The following PPFIA2 variants were observed in gnomAD, a reference collection of about 807,000 sequenced individuals.
The protein encoded by PPFIA2 is liprin-alpha-2.
Under a neutral mutation model 175.5 loss-of-function variants are expected in PPFIA2, and 46 were observed. That is an observed-to-expected ratio of 0.26 (90% CI 0.21 to 0.34). The LOEUF is 0.34. Ranked by LOEUF, PPFIA2 falls within the 10% of genes least tolerant of loss-of-function variation. The probability of loss-of-function intolerance (pLI) is 1.00; values close to 1 mark genes in which losing one functional copy is unlikely to be tolerated. For missense variants in PPFIA2, 1,179 were observed against 1,506.1 expected (o/e 0.78, Z 3.60); for synonymous variants, 568 against 511.4 (o/e 1.11, Z -1.49).
chr12:81,645,402 A>T (rs2065923986), intron 4 of PPFIA2, among the ~76,000 whole-genome samples: 1 of 152,004 alleles, frequency 6.6e-6, no homozygotes, highest in African/African-American at 2.4e-5. Context: ...TGCTTACACC[A>T]CCCCTCAGCA....
intron 4 of PPFIA2, among the ~76,000 whole-genome samples, chr12:81,528,850 T>G (rs1214955522): frequency 6.6e-6 from 1 of 151,994 alleles, no homozygotes; most frequent in East Asian, 1.9e-4. Context: ...GAAAATTATA[T>G]TTTATGTATA....
At chr12:81,326,412 C>G (rs1343503946) in intron 21 of PPFIA2, among the ~76,000 whole-genome samples, 1 of 152,138 alleles carries the variant, frequency 6.6e-6, no homozygotes, top group African/African-American at 2.4e-5. Context: ...GCTCTACTGG[C>G]TGACTCCTAT....
At chr12:81,662,878 G>C in intron 4 of PPFIA2, among the ~76,000 whole-genome samples, 1 of 152,080 alleles carries the variant, frequency 6.6e-6, no homozygotes, top group East Asian at 1.9e-4. Context: ...TTCATCCCTG[G>C]GATGCAAGGC....
At chr12:81,540,847 AT>A (rs1351632145) in intron 4 of PPFIA2, among the ~76,000 whole-genome samples, 1 of 152,060 alleles carries the variant, frequency 6.6e-6, no homozygotes, top group Non-Finnish European at 1.5e-5. Flanking sequence ...TATCATTAAG[AT>A]TTAAGAAGTA....
At chr12:81,682,191 T>C (rs927182733) in intron 3 of PPFIA2, among the ~76,000 whole-genome samples, 1 of 151,992 alleles carries the variant, frequency 6.6e-6, no homozygotes, top group Non-Finnish European at 1.5e-5. Flanking sequence ...ATTGATCCAA[T>C]ATGACTGGTT....
chr12:81,491,213 G>T (rs4842394), intron 4 of PPFIA2, among the ~76,000 whole-genome samples: 32,348 of 89,966 alleles, frequency 0.36, 3,831 homozygotes, highest in East Asian at 0.52. Context: ...TACTTTTTTT[G>T]TTTTTTTGCT....
chr12:81,739,697 A>G (rs2082103915), intron 3 of PPFIA2, among the ~76,000 whole-genome samples: 1 of 152,092 alleles, frequency 6.6e-6, no homozygotes, highest in Non-Finnish European at 1.5e-5. Flanking sequence ...ATTGAAGCAG[A>G]TTACACTAAA....
chr12:81,311,909 T>C (rs1449726165), intron 22 of PPFIA2: 2 of 523,948 alleles, frequency 3.8e-6, no homozygotes, highest in Non-Finnish European at 6.8e-6. Flanking sequence ...TAGAATGTCT[T>C]TTGACATGTG....
At chr12:81,483,179 T>C (rs1273027485) in intron 4 of PPFIA2, among the ~76,000 whole-genome samples, 3 of 152,140 alleles carry the variant, frequency 2.0e-5, no homozygotes, top group Non-Finnish European at 4.4e-5. Flanking sequence ...AGAGTTACCA[T>C]ATAACCTAGC....
intron 3 of PPFIA2, among the ~76,000 whole-genome samples, chr12:81,691,234 C>G (rs1379122316): frequency 1.3e-5 from 2 of 152,136 alleles, no homozygotes; most frequent in Non-Finnish European, 2.9e-5. Flanking sequence ...GTGACCTCTC[C>G]ATCCACTGAA....
intron 4 of PPFIA2, among the ~76,000 whole-genome samples, chr12:81,523,132 G>A (rs1255897663): frequency 6.6e-6 from 1 of 152,172 alleles, no homozygotes; most frequent in Non-Finnish European, 1.5e-5. Flanking sequence ...GGCTGCTCCT[G>A]ACAGAAAGGG....
chr12:81,575,776 G>A (rs1030655297), intron 4 of PPFIA2, among the ~76,000 whole-genome samples: 5 of 151,636 alleles, frequency 3.3e-5, no homozygotes, highest in Admixed American at 1.3e-4. Context: ...TAAGTATCAC[G>A]AAATAAGAGT....
intron 6 of PPFIA2, among the ~76,000 whole-genome samples, chr12:81,445,221 G>GGGA (rs2051021322): frequency 1.5e-5 from 1 of 65,272 alleles, no homozygotes; most frequent in Non-Finnish European, 2.8e-5. Context: ...GGGGGGGAGG[G>GGGA]GGGAGAGAGA....
At chr12:81,431,960 C>G (rs1310283220) in intron 7 of PPFIA2, among the ~76,000 whole-genome samples, 3 of 152,132 alleles carry the variant, frequency 2.0e-5, no homozygotes, top group South Asian at 2.1e-4. Flanking sequence ...TTTATAGTCA[C>G]TTTTGTAGCA....
intron 22 of PPFIA2, chr12:81,312,236 T>A: frequency 7.1e-7 from 1 of 1,398,966 alleles, no homozygotes; most frequent in South Asian, 1.3e-5. Flanking sequence ...TACAGTTCAA[T>A]CCAAAGAAAA....
At chr12:81,679,734 T>C (rs959319889) in intron 3 of PPFIA2, among the ~76,000 whole-genome samples, 3 of 151,996 alleles carry the variant, frequency 2.0e-5, no homozygotes, top group African/African-American at 7.2e-5. Flanking sequence ...TTTGAGTTCA[T>C]GTTCTATTTT....
At chr12:81,267,728 A>ATTTTT (rs137975780) in intron 29 of PPFIA2, among the ~76,000 whole-genome samples, 184 bp downstream of exon 29, 1 of 77,772 alleles carries the variant, frequency 1.3e-5, no homozygotes, top group African/African-American at 3.8e-5. Flanking sequence ...TAATTGTATG[A>ATTTTT]TTTTTTTTTT....
At chr12:81,694,198 G>T (rs940366794) in intron 3 of PPFIA2, among the ~76,000 whole-genome samples, 17 of 152,260 alleles carry the variant, frequency 1.1e-4, no homozygotes, top group African/African-American at 4.1e-4. Context: ...AGAGAAATTT[G>T]CATAACTAAA....
intron 4 of PPFIA2, among the ~76,000 whole-genome samples, chr12:81,544,744 A>G (rs1016241479): frequency 6.6e-6 from 1 of 152,134 alleles, no homozygotes; most frequent in Non-Finnish European, 1.5e-5. Flanking sequence ...AAGCATTTCC[A>G]TCAGCACACA....
Sources: allele counts gnomAD v4.1 joint callset (sites outside exome capture counted in the v4.1 genomes callset), GRCh38; gene constraint gnomAD v4.1.1; transcripts MANE v1.5; gene names NCBI Gene and HGNC (gene_info 2026-07-23, HGNC 2026-07-21).